The following RNF130 variants were observed in gnomAD, a reference collection of about 807,000 sequenced individuals.
RNF130 encodes ring finger protein 130.
Under a neutral mutation model 44.6 loss-of-function variants are expected in RNF130, and 21 were observed. That is an observed-to-expected ratio of 0.47 (90% CI 0.33 to 0.68). The LOEUF (loss-of-function observed/expected upper bound fraction) is 0.68, where lower values mean the gene tolerates loss of function less well. Among genes scored for constraint, RNF130 ranks in the 30% least tolerant of loss-of-function variants. The probability of loss-of-function intolerance (pLI) is 0.02; values close to 1 mark genes in which losing one functional copy is unlikely to be tolerated. For missense variants in RNF130, 479 were observed against 560.6 expected, an observed-to-expected ratio of 0.85 and a Z score of 1.47; for synonymous variants, 214 against 210.4, an observed-to-expected ratio of 1.02 and a Z score of -0.15.
At chr5:179,918,316 ACGTAATTT>A (rs909459534) in exon 8 of RNF130, 1 of 152,210 alleles carries the variant, frequency 6.6e-6, no homozygotes, top group Non-Finnish European at 1.5e-5. Context: ...ACTTCTTCTC[ACGTAATTT>A]CATACCTTTT....
chr5:179,982,583 G>T (rs1228245965), intron 3 of RNF130, among the ~76,000 whole-genome samples: 1 of 151,776 alleles, frequency 6.6e-6, no homozygotes, highest in Admixed American at 6.6e-5. Flanking sequence ...GTTTTGTTTT[G>T]TTTTGTTTTT....
At chr5:179,914,765 C>T (rs1279421555) in exon 8 of RNF130, 3 of 151,590 alleles carry the variant, frequency 2.0e-5, no homozygotes, top group African/African-American at 7.3e-5. Context: ...CGTGGTGGCT[C>T]ATACCTGTAA....
At chr5:179,989,104 G>T (rs183057424) in intron 3 of RNF130, among the ~76,000 whole-genome samples, 348 of 152,312 alleles carry the variant, frequency 2.3e-3, no homozygotes, top group African/African-American at 7.8e-3. Flanking sequence ...ATAGCAGAAG[G>T]CACCTCTTCA....
At chr5:180,043,749 C>T (rs1457730358) in intron 1 of RNF130, among the ~76,000 whole-genome samples, 1 of 151,798 alleles carries the variant, frequency 6.6e-6, no homozygotes, top group Non-Finnish European at 1.5e-5. Context: ...AAAACAAATC[C>T]AACAACGGCC....
chr5:180,015,243 C>T (rs1763690222), intron 2 of RNF130: 1 of 456,944 alleles, frequency 2.2e-6, no homozygotes, highest in Non-Finnish European at 4.8e-6. Flanking sequence ...TGCTAAACCG[C>T]TTTAAATTTC....
chr5:179,969,313 C>G lies in RNF130; in HGVS notation c.945+1097G>C, dbSNP rs1762530036. Among the ~76,000 whole-genome samples the G allele has an allele frequency of 2.0e-5, 3 of 151,918 alleles. No individual in the cohort carries two copies. In the South Asian group the frequency reaches 6.2e-4, roughly 32 times the overall value. On this transcript the variant is annotated intron_variant, in intron 6 of 8. Coordinates refer to ENST00000521389, the MANE Select transcript of RNF130 (RefSeq NM_018434.6). ...GCCCCTGCCAGGCTGTGGTTGTCAA[C>G]AGTTCTCCTTGGGCTCCAGTCACTG...
chr5:180,058,501 G>A (rs1005943332), intron 1 of RNF130, among the ~76,000 whole-genome samples: 8 of 152,174 alleles, frequency 5.3e-5, no homozygotes, highest in Non-Finnish European at 7.4e-5. Flanking sequence ...GTAGAGTGGT[G>A]TTCGCAGGGG....
At chr5:179,966,721 G>C (rs889481555) in intron 7 of RNF130, 85 bp downstream of exon 7, 2 of 1,194,382 alleles carry the variant, frequency 1.7e-6, no homozygotes, top group Non-Finnish European at 2.4e-6. Context: ...TGCAGGCTGA[G>C]GCGAGTGCCT....
At chr5:179,986,594 T>C (rs1259707420) in intron 3 of RNF130, among the ~76,000 whole-genome samples, 2 of 152,228 alleles carry the variant, frequency 1.3e-5, no homozygotes, top group East Asian at 3.8e-4. Flanking sequence ...GTGATCACAA[T>C]AGCAACAGGT....
At chr5:179,945,969 G>T (rs545205162) in intron 7 of RNF130, among the ~76,000 whole-genome samples, 1 of 152,158 alleles carries the variant, frequency 6.6e-6, no homozygotes, top group Non-Finnish European at 1.5e-5. Context: ...CACTCCCCAC[G>T]GCCGCATCTG....
intron 3 of RNF130, among the ~76,000 whole-genome samples, chr5:179,993,495 T>C (rs919997826): frequency 2.4e-4 from 36 of 152,388 alleles, no homozygotes; most frequent in African/African-American, 8.4e-4. Flanking sequence ...CATTTTTTCA[T>C]GTGTCTGTTG....
chr5:180,039,247 CTTTTT>C (rs945116160), intron 2 of RNF130, among the ~76,000 whole-genome samples: 3 of 148,602 alleles, frequency 2.0e-5, no homozygotes, highest in African/African-American at 7.4e-5. Flanking sequence ...CTTTTCTTTT[CTTTTT>C]TTTTTGAGAT....
intron 3 of RNF130, among the ~76,000 whole-genome samples, chr5:179,995,543 T>C (rs1276744754): frequency 6.6e-6 from 1 of 152,180 alleles, no homozygotes; most frequent in Non-Finnish European, 1.5e-5. Flanking sequence ...CAGTTTGCTA[T>C]GAGCTAGGAC....
At chr5:180,070,914 A>G (rs1199322920) in intron 1 of RNF130, among the ~76,000 whole-genome samples, 1 of 152,198 alleles carries the variant, frequency 6.6e-6, no homozygotes, top group East Asian at 1.9e-4. Flanking sequence ...GCGTCAAATT[A>G]CAGTAAAACT....
At chr5:180,033,558 T>A (rs932799504) in intron 2 of RNF130, among the ~76,000 whole-genome samples, 3 of 152,072 alleles carry the variant, frequency 2.0e-5, no homozygotes, top group Non-Finnish European at 4.4e-5. Flanking sequence ...ACCATGGTGG[T>A]GTGCGCCTAT....
chr5:180,002,316 C>T (rs1181313664), intron 3 of RNF130, among the ~76,000 whole-genome samples: 3 of 152,234 alleles, frequency 2.0e-5, no homozygotes, highest in African/African-American at 7.2e-5. Flanking sequence ...CCCCGAGGAA[C>T]AGAGCCAACA....
intron 3 of RNF130, among the ~76,000 whole-genome samples, chr5:180,012,094 G>A (rs150768080): frequency 1.4e-4 from 22 of 152,266 alleles, no homozygotes; most frequent in Non-Finnish European, 2.6e-4. Flanking sequence ...AGATGAGAAA[G>A]AAGCTGAGAT....
exon 8 of RNF130, chr5:179,918,138 A>T (rs1398915511): frequency 6.6e-6 from 1 of 152,118 alleles, no homozygotes; most frequent in Non-Finnish European, 1.5e-5. Context: ...CCAGAGAGTG[A>T]CCCCAATTTT....
At chr5:179,964,746 G>A (rs1250995051) in intron 7 of RNF130, among the ~76,000 whole-genome samples, 1 of 152,230 alleles carries the variant, frequency 6.6e-6, no homozygotes, top group East Asian at 1.9e-4. Context: ...CCGGTCCAGA[G>A]AGTGCTCTAG....
Sources: allele counts gnomAD v4.1 joint callset (sites outside exome capture counted in the v4.1 genomes callset), GRCh38; gene constraint gnomAD v4.1.1; transcripts MANE v1.5; gene names NCBI Gene and HGNC (gene_info 2026-07-23, HGNC 2026-07-21).